Variants in LCORL observed in about 807,000 individuals in gnomAD.
LCORL encodes ligand-dependent nuclear receptor corepressor-like protein.
Under a neutral mutation model 141.8 loss-of-function variants are expected in LCORL, and 41 were observed. The ratio of observed to expected loss-of-function variants is 0.29; its 90% CI spans 0.23 to 0.38. The LOEUF is 0.38. LCORL is among the 10% of genes least tolerant of loss of function. The pLI, the probability that LCORL is intolerant of heterozygous loss-of-function variation, is 1.00. For missense variants in LCORL, 1,759 were observed against 2,035.0 expected (o/e 0.86, Z 2.61); for synonymous variants, 618 against 694.1 (o/e 0.89, Z 1.72).
intron 1 of LCORL, among the ~76,000 whole-genome samples, chr4:17,973,203 G>A (rs1577596894): frequency 1.3e-5 from 2 of 151,926 alleles, no homozygotes; most frequent in African/African-American, 4.8e-5. Flanking sequence ...CTTGCAGAGA[G>A]GGGAAGAATA....
At chr4:17,869,862 A>G (rs1726127189) in intron 7 of LCORL, among the ~76,000 whole-genome samples, 2 of 152,202 alleles carry the variant, frequency 1.3e-5, no homozygotes, top group Admixed American at 1.3e-4. Flanking sequence ...AGATCTTACT[A>G]TCCTCTACCC....
At chr4:18,001,644 G>A (rs1381119459) in intron 1 of LCORL, among the ~76,000 whole-genome samples, 1 of 152,138 alleles carries the variant, frequency 6.6e-6, no homozygotes, top group Non-Finnish European at 1.5e-5. Flanking sequence ...GACAGAGAAA[G>A]GCACAGATCT....
intron 6 of LCORL, chr4:17,882,184 C>T (rs539989404): frequency 1.0e-6 from 1 of 984,362 alleles, no homozygotes; most frequent in East Asian, 1.1e-4. Flanking sequence ...ATTAAATACA[C>T]ACAAACACAA....
chr4:17,846,858 G>C (rs1415516195), intron 7 of LCORL, among the ~76,000 whole-genome samples: 1 of 152,154 alleles, frequency 6.6e-6, no homozygotes. Flanking sequence ...GCATTGGATT[G>C]TGAACTATTT....
At chr4:17,915,298 G>A (rs1733220349) in intron 4 of LCORL, among the ~76,000 whole-genome samples, 1 of 152,090 alleles carries the variant, frequency 6.6e-6, no homozygotes, top group South Asian at 2.1e-4. Flanking sequence ...AATCTCCTAT[G>A]ACCACAACCC....
At chr4:17,876,062 A>G in exon 7 of LCORL, 3 of 1,231,042 alleles carry the variant, frequency 2.4e-6, no homozygotes, top group Non-Finnish European at 3.0e-6. Context: ...AAGTTAAAGT[A>G]TATTTGACCC....
At chr4:17,985,192 G>A (rs1331650910) in intron 1 of LCORL, among the ~76,000 whole-genome samples, 4 of 152,046 alleles carry the variant, frequency 2.6e-5, no homozygotes, top group African/African-American at 9.7e-5. Context: ...CAATTGTGCA[G>A]TCAGTTTTAG....
At chr4:18,019,013 T>C (rs762573884) in intron 1 of LCORL, among the ~76,000 whole-genome samples, 27 of 152,208 alleles carry the variant, frequency 1.8e-4, no homozygotes, top group Non-Finnish European at 3.8e-4. Context: ...CCAAACTCCA[T>C]TTAATCCCAA....
At chr4:18,008,067 C>T (rs547441039) in intron 1 of LCORL, among the ~76,000 whole-genome samples, 23 of 152,226 alleles carry the variant, frequency 1.5e-4, no homozygotes, top group African/African-American at 5.5e-4. Context: ...TAGCTATATC[C>T]TATTAATTCA....
At chr4:17,879,503 G>A (rs998876395) in intron 6 of LCORL, among the ~76,000 whole-genome samples, 8 of 150,946 alleles carry the variant, frequency 5.3e-5, no homozygotes, top group South Asian at 2.1e-4. Flanking sequence ...AGTCACTGCC[G>A]CCTCTAGACA....
intron 7 of LCORL, among the ~76,000 whole-genome samples, chr4:17,850,547 T>G (rs1723531594): frequency 6.6e-6 from 1 of 152,210 alleles, no homozygotes. Context: ...TCACTGGCCA[T>G]CAGAGAAATG....
chr4:17,948,023 A>G (rs556293897), intron 4 of LCORL, among the ~76,000 whole-genome samples: 39 of 152,052 alleles, frequency 2.6e-4, no homozygotes, highest in Non-Finnish European at 3.4e-4. Flanking sequence ...AAAACACTGA[A>G]GTACACATAA....
At chr4:17,921,444 G>A (rs983947008) in intron 4 of LCORL, among the ~76,000 whole-genome samples, 2 of 152,138 alleles carry the variant, frequency 1.3e-5, no homozygotes, top group African/African-American at 4.8e-5. Flanking sequence ...CTTAAAAAAT[G>A]TATTTCTTTT....
chr4:18,020,230 T>C (rs921339190), intron 1 of LCORL, among the ~76,000 whole-genome samples: 1 of 152,130 alleles, frequency 6.6e-6, no homozygotes. Context: ...CAAAAAAAGA[T>C]CTTAAGACGT....
chr4:17,952,401 C>T (rs1390626410), intron 4 of LCORL, among the ~76,000 whole-genome samples: 2 of 151,052 alleles, frequency 1.3e-5, no homozygotes, highest in Non-Finnish European at 2.9e-5. Context: ...CATTTTCTTT[C>T]CCCTCAAAAA....
intron 4 of LCORL, among the ~76,000 whole-genome samples, chr4:17,958,809 G>C (rs1713200272): frequency 6.6e-6 from 1 of 152,008 alleles, no homozygotes; most frequent in Non-Finnish European, 1.5e-5. Context: ...TAACATGCAG[G>C]TACAGTCCTA....
chr4:17,912,243 T>C (rs1732683167), intron 4 of LCORL: 3 of 719,216 alleles, frequency 4.2e-6, no homozygotes, highest in Non-Finnish European at 5.1e-6. Flanking sequence ...AGAGCAACAT[T>C]ATGGGCTCCT....
chr4:17,966,370 T>C (rs1313541416), intron 2 of LCORL, among the ~76,000 whole-genome samples: 2 of 152,076 alleles, frequency 1.3e-5, no homozygotes, highest in Admixed American at 6.6e-5. Context: ...TAAAGGAATA[T>C]TATGAACATC....
intron 7 of LCORL, among the ~76,000 whole-genome samples, chr4:17,869,704 C>A (rs908691159): frequency 6.6e-5 from 10 of 152,106 alleles, no homozygotes; most frequent in African/African-American, 2.4e-4. Context: ...TGTTGATTCA[C>A]AAATCCTTAT....
Sources: gnomAD v4.1 joint callset for allele counts (sites outside exome capture counted in the v4.1 genomes callset) on GRCh38, gnomAD v4.1.1 for gene constraint, MANE v1.5 for transcripts, NCBI Gene and HGNC (gene_info 2026-07-23, HGNC 2026-07-21) for gene names.